Variants in CUL3 observed in about 807,000 individuals in gnomAD.
CUL3 encodes the protein cullin-3.
In CUL3, 19 loss-of-function variants were observed where a neutral mutation model predicts 89.1. That is an observed-to-expected ratio of 0.21 (90% confidence interval 0.15 to 0.31). The LOEUF is 0.31. CUL3 is among the 10% of genes least tolerant of loss of function. The pLI, the probability that CUL3 is intolerant of heterozygous loss-of-function variation, is 1.00. For synonymous variants in CUL3, 351 were observed against 308.4 expected (o/e 1.14, Z -1.45); for missense variants, 469 against 942.3 (o/e 0.50, Z 6.58).
At position 224,485,796 on chromosome 2, in the gene CUL3, C is replaced by T. The variant is rs1454787587; in HGVS notation, c.1843-3718G>A. ...CTGCCTCCTCAAGTGGGTCCGTGTC[C>T]CCCATGCCTCCCTGACAGGAGACAC... On this transcript the variant is annotated intron_variant, in intron 13 of 15. Transcript: ENST00000264414. This position sits in a 1 kb window ranked among gnomAD's most constrained non-coding sequence, Gnocchi z 4.1. Among the ~76,000 whole-genome samples the T allele has an allele frequency of 6.6e-6, 1 of 152,200 alleles. No homozygotes were observed. Among genetic ancestry groups the T allele is most frequent in the Admixed American group, 6.5e-5 (1 of 15,280 alleles).
chr2:224,540,939 T>C (rs1017522387), intron 2 of CUL3, among the ~76,000 whole-genome samples: 20 of 152,308 alleles, frequency 1.3e-4, no homozygotes, highest in African/African-American at 4.8e-4. Flanking sequence ...ACATTTAATA[T>C]TAACCTTTGG....
chr2:224,476,100 T>G (rs1691310190), intron 15 of CUL3, among the ~76,000 whole-genome samples: 1 of 152,030 alleles, frequency 6.6e-6, no homozygotes, highest in Admixed American at 6.6e-5. Flanking sequence ...CTCGGCTCAC[T>G]GCAACCTTCG....
At chr2:224,491,686 TGA>T (rs1691986868) in intron 13 of CUL3, among the ~76,000 whole-genome samples, 1 of 152,186 alleles carries the variant, frequency 6.6e-6, no homozygotes, top group East Asian at 1.9e-4. Context: ...ACTACTACAA[TGA>T]TTTAGTTTGT....
At chr2:224,534,873 C>G (rs1230746453) in intron 3 of CUL3, among the ~76,000 whole-genome samples, 1 of 151,604 alleles carries the variant, frequency 6.6e-6, no homozygotes, top group Non-Finnish European at 1.5e-5. Context: ...TGGTGACGGG[C>G]ACCTGTAGTC....
intron 3 of CUL3, among the ~76,000 whole-genome samples, chr2:224,534,743 G>C (rs1483314114): frequency 6.6e-6 from 1 of 152,060 alleles, no homozygotes; most frequent in Non-Finnish European, 1.5e-5. Context: ...AGCACTTTGG[G>C]AGGCCGAGGT....
Position 224,473,995 on chromosome 2 carries a change from C to T in CUL3, c.*250G>A, listed in dbSNP as rs1225096547. 6 of 316,266 alleles carry T rather than the reference C, an allele frequency of 1.9e-5. No homozygotes were observed. The highest frequency in any genetic ancestry group is 9.2e-5 in the Admixed American group (2 of 21,790). The allele number at this position is 316,266 out of a possible 1,614,324, so 19.6% of individuals were successfully genotyped here. On this transcript the variant is annotated 3_prime_UTR_variant, in exon 16 of 16. Coordinates refer to ENST00000264414, the MANE Select transcript of CUL3 (RefSeq NM_003590.5). ...TTTTCATACAGTAAAGAAAACAAAA[C>T]GCAGCACATTCACATTTTCCCGAGG...
rs2106143153 is a variant in CUL3 at position 224,478,286 on chromosome 2, C to G, written c.2089G>C (p.Asp697His). ...ERKETRQKVD[D>H]DRKHEIEAAI... ...GCTTCTATCTCATGTTTTCTGTCGT[C>G]GTCTACTTTCTGCCTTGTTTCTTTC... is the stretch of plus-strand genomic sequence containing the variant. Residue 697 changes from aspartate (D) to histidine (H), a missense_variant, in exon 15 of 16, where the codon GAC becomes CAC. This residue lies in a region of CUL3 where 65 missense variants were observed against 147.8 expected (regional missense o/e 0.44). Coordinates refer to ENST00000264414, the MANE Select transcript of CUL3 (RefSeq NM_003590.5). 1.2e-6 allele frequency: 2 copies of G among 1,613,736 alleles called. No homozygotes were observed. Among genetic ancestry groups the G allele is most frequent in the Non-Finnish European group, 1.7e-6 (2 of 1,179,790 alleles).
rs1041697083 is a variant in CUL3 at position 224,562,614 on chromosome 2, G to A, written c.67-4758C>T. 3.3e-5 allele frequency: 5 copies of A among 149,908 alleles called. No homozygotes were observed. The East Asian group carries it at 7.8e-4, about 23-fold the overall frequency. The allele number at this position is 149,908 out of a possible 1,614,324, so 9.3% of individuals were successfully genotyped here. On this transcript the variant is annotated intron_variant, in intron 1 of 15. Transcript: ENST00000264414. ...GATCGCGCCAGCCCACTCCAGCCTA[G>A]GCAACAGAGCAAGACTTTGTCTCAA...
intron 15 of CUL3, 139 bp downstream of exon 15, chr2:224,478,061 G>A: frequency 1.3e-6 from 1 of 752,116 alleles, no homozygotes; most frequent in Middle Eastern, 3.6e-4. Context: ...GTTACCAAGT[G>A]AGTGCCATAC....
In CUL3 at chr2:224,473,408, T is replaced by A. The variant is rs1691201968; in HGVS notation, c.*837A>T. 5.2e-6 allele frequency: 1 copy of A among 190,876 alleles called. No individual in the cohort carries two copies. Among genetic ancestry groups the A allele is most frequent in the Admixed American group, 6.2e-5 (1 of 16,254 alleles). The allele number at this position is 190,876 out of a possible 1,614,324, so 11.8% of individuals were successfully genotyped here. On this transcript the variant is annotated 3_prime_UTR_variant, in exon 16 of 16. Transcript: ENST00000264414. ...TCTGACATACTTGAATTAGTGGGTATGTGTATACTAAATTCATTATTTTTG... is the reference window on the plus strand; with the variant it reads ...TCTGACATACTTGAATTAGTGGGTAAGTGTATACTAAATTCATTATTTTTG...
intron 3 of CUL3, among the ~76,000 whole-genome samples, chr2:224,520,931 A>G (rs1186062095): frequency 6.6e-6 from 1 of 152,256 alleles, no homozygotes; most frequent in Non-Finnish European, 1.5e-5. Context: ...CAATGCAAAA[A>G]TACAGTTCCT....
At position 224,474,239 on chromosome 2, in the gene CUL3, C is replaced by T. The variant is rs138318320; in HGVS notation, c.*6G>A. On this transcript the variant is annotated 3_prime_UTR_variant, in exon 16 of 16. Coordinates refer to ENST00000264414, the MANE Select transcript of CUL3 (RefSeq NM_003590.5). ...TCCAAGAATAAATCAAATTTCTGAA[C>T]GCATTTTATGCTACATATGTGTATA... 2.1e-5 allele frequency: 34 copies of T among 1,611,102 alleles called. No individual in the cohort carries two copies. In the Admixed American group the frequency reaches 2.2e-4, roughly 10 times the overall value.
intron 3 of CUL3, among the ~76,000 whole-genome samples, chr2:224,524,952 T>C (rs892824369): frequency 7.0e-6 from 1 of 142,706 alleles, no homozygotes; most frequent in African/African-American, 2.6e-5. Context: ...ACTACTAAAA[T>C]AACATGTAAA....
intron 10 of CUL3, among the ~76,000 whole-genome samples, chr2:224,502,449 A>G (rs1381903756): frequency 6.6e-6 from 1 of 152,174 alleles, no homozygotes; most frequent in African/African-American, 2.4e-5. Flanking sequence ...TATACCAAAC[A>G]CATTTATAAT....
At chr2:224,513,788 A>G in intron 4 of CUL3, 150 bp from the exon 5 acceptor site, 1 of 566,298 alleles carries the variant, frequency 1.8e-6, no homozygotes, top group African/African-American at 1.9e-5. Context: ...GTAAAACGAA[A>G]GGATTTAGCC....
At chr2:224,530,549 T>A (rs778386781) in intron 3 of CUL3, among the ~76,000 whole-genome samples, 3 of 152,354 alleles carry the variant, frequency 2.0e-5, no homozygotes, top group Middle Eastern at 6.8e-3. Context: ...TGCATATGTT[T>A]GTCAAAAATC....
chr2:224,488,657 A>C (rs2106164726), intron 13 of CUL3, among the ~76,000 whole-genome samples: 1 of 152,284 alleles, frequency 6.6e-6, no homozygotes, highest in East Asian at 1.9e-4. Context: ...GATCAGACGG[A>C]TTCACAGTCG....
intron 1 of CUL3, among the ~76,000 whole-genome samples, chr2:224,576,706 A>T (rs1695308291): frequency 6.7e-6 from 1 of 149,422 alleles, no homozygotes; most frequent in Non-Finnish European, 1.5e-5. Flanking sequence ...GGGGAGGAGA[A>T]GGAGGAGAAA....
intron 13 of CUL3, among the ~76,000 whole-genome samples, chr2:224,490,713 A>AG (rs556632191): frequency 3.2e-4 from 48 of 150,288 alleles, no homozygotes; most frequent in African/African-American, 1.0e-3. Context: ...CTTTAAAGAA[A>AG]AAAAAAAAAA....
Sources: allele counts gnomAD v4.1 joint callset (sites outside exome capture counted in the v4.1 genomes callset), GRCh38; gene constraint gnomAD v4.1.1; regional missense constraint gnomAD v4.1.1; non-coding constraint Gnocchi (gnomAD v3.1); transcripts MANE v1.5; gene names NCBI Gene and HGNC (gene_info 2026-07-23, HGNC 2026-07-21).